Variants in PDSS2 observed in about 807,000 individuals in gnomAD.
The protein encoded by PDSS2 is decaprenyl diphosphate synthase subunit 2, also known as all trans-polyprenyl-diphosphate synthase PDSS2.
Under a neutral mutation model 44.5 loss-of-function variants are expected in PDSS2, and 31 were observed. That is an observed-to-expected ratio of 0.70 (90% CI 0.52 to 0.94). The LOEUF (loss-of-function observed/expected upper bound fraction) is 0.94, where lower values mean the gene tolerates loss of function less well. Ranked by LOEUF, PDSS2 falls within the 40% of genes least tolerant of loss-of-function variation. PDSS2 has a pLI of 0.00. For synonymous variants in PDSS2, 157 were observed against 180.3 expected, an observed-to-expected ratio of 0.87 and a Z score of 1.03; for missense variants, 452 against 482.2, an observed-to-expected ratio of 0.94 and a Z score of 0.59.
At chr6:107,161,840 G>T (rs1323560148) in intron 7 of PDSS2, among the ~76,000 whole-genome samples, 2 of 152,178 alleles carry the variant, frequency 1.3e-5, no homozygotes, top group African/African-American at 4.8e-5. Context: ...ACAATTGTTA[G>T]TATTTTGCCA....
In PDSS2 at chr6:107,298,581, C is replaced by T. The variant is rs149793942; in HGVS notation, c.432-24354G>A. 1.5e-4 allele frequency among the ~76,000 whole-genome samples: 23 copies of T among 152,162 alleles called. No individual in the cohort carries two copies. The East Asian group carries it at 4.4e-3, about 29-fold the overall frequency. On this transcript the variant is annotated intron_variant, in intron 2 of 7. Transcript: ENST00000369037. ...AATATTGAGGGCAACTGTATATATA[C>T]CTATATACATAGTGTAGCTTTATAT...
At chr6:107,390,329 A>G (rs1286710058) in intron 1 of PDSS2, among the ~76,000 whole-genome samples, 1 of 152,114 alleles carries the variant, frequency 6.6e-6, no homozygotes, top group Non-Finnish European at 1.5e-5. Context: ...TTATGTGAAA[A>G]GAAGGGCAAT....
intron 2 of PDSS2, among the ~76,000 whole-genome samples, chr6:107,307,749 T>C (rs1776908758): frequency 6.6e-6 from 1 of 152,204 alleles, no homozygotes; most frequent in Non-Finnish European, 1.5e-5. Context: ...AGTTAATTCC[T>C]GTGTCCACAG....
intron 1 of PDSS2, among the ~76,000 whole-genome samples, chr6:107,421,807 A>AACACACAC (rs33978698): frequency 0.02 from 2,962 of 146,168 alleles, 80 homozygotes; most frequent in African/African-American, 0.061. Flanking sequence ...AATTTCACAG[A>AACACACAC]ACACACACAC....
At chr6:107,246,747 G>T (rs760453473) in intron 3 of PDSS2, among the ~76,000 whole-genome samples, 4 of 152,026 alleles carry the variant, frequency 2.6e-5, no homozygotes, top group Non-Finnish European at 4.4e-5. Flanking sequence ...ATATATTTAC[G>T]TTTATACTAC....
intron 3 of PDSS2, among the ~76,000 whole-genome samples, chr6:107,263,264 C>A (rs1256366640): frequency 2.0e-5 from 3 of 152,044 alleles, no homozygotes; most frequent in Non-Finnish European, 4.4e-5. Context: ...ACCAGTCTTG[C>A]CAACATGGCG....
intron 1 of PDSS2, among the ~76,000 whole-genome samples, chr6:107,456,830 C>A (rs1177753662): frequency 6.6e-6 from 1 of 152,222 alleles, no homozygotes; most frequent in East Asian, 1.9e-4. Flanking sequence ...ACATGAGACA[C>A]CACACCAGGA....
At chr6:107,161,874 T>C (rs1296009900) in intron 7 of PDSS2, among the ~76,000 whole-genome samples, 2 of 152,208 alleles carry the variant, frequency 1.3e-5, no homozygotes, top group Non-Finnish European at 2.9e-5. Flanking sequence ...TATATGTGTG[T>C]CTGTGTGTGT....
chr6:107,409,841 T>C (rs1443200774), intron 1 of PDSS2, among the ~76,000 whole-genome samples: 1 of 152,180 alleles, frequency 6.6e-6, no homozygotes, highest in Non-Finnish European at 1.5e-5. Flanking sequence ...AATGTACCAC[T>C]GCATTTATGA....
intron 3 of PDSS2, among the ~76,000 whole-genome samples, chr6:107,247,976 A>G (rs1402988048): frequency 5.3e-5 from 8 of 151,740 alleles, no homozygotes; most frequent in Non-Finnish European, 1.2e-4. Flanking sequence ...CCAAGATCGC[A>G]GCGCCACTGC....
intron 1 of PDSS2, among the ~76,000 whole-genome samples, chr6:107,432,833 C>T (rs72941769): frequency 0.026 from 3,972 of 152,164 alleles, 76 homozygotes; most frequent in Middle Eastern, 0.12. Flanking sequence ...TTACTGTTAA[C>T]CATATTCACC....
At chr6:107,302,311 C>G (rs1343659346) in intron 2 of PDSS2, among the ~76,000 whole-genome samples, 1 of 151,242 alleles carries the variant, frequency 6.6e-6, no homozygotes. Context: ...TACACTGTTA[C>G]CCAGGCTGGA....
At chr6:107,269,623 T>C (rs1476183580) in intron 3 of PDSS2, among the ~76,000 whole-genome samples, 1 of 152,170 alleles carries the variant, frequency 6.6e-6, no homozygotes, top group Non-Finnish European at 1.5e-5. Context: ...GATTCTCAAG[T>C]GATGTTGAAC....
chr6:107,158,187 T>A (rs1770978689), intron 7 of PDSS2, among the ~76,000 whole-genome samples: 1 of 31,534 alleles, frequency 3.2e-5, no homozygotes. Context: ...GTTTTCTTTC[T>A]TTTTTTTTTT....
intron 6 of PDSS2, among the ~76,000 whole-genome samples, chr6:107,207,608 C>CT (rs777686277): frequency 0.22 from 24,392 of 110,398 alleles, 4,101 homozygotes; most frequent in East Asian, 0.44. Flanking sequence ...AGTAAAGTGT[C>CT]TTTTTTTTTT....
At chr6:107,218,216 T>C (rs186522270) in intron 4 of PDSS2, among the ~76,000 whole-genome samples, 1 of 152,336 alleles carries the variant, frequency 6.6e-6, no homozygotes, top group East Asian at 1.9e-4. Context: ...TACATTTTAT[T>C]TGACTTTGAC....
At chr6:107,447,043 A>G (rs1781706225) in intron 1 of PDSS2, among the ~76,000 whole-genome samples, 1 of 152,158 alleles carries the variant, frequency 6.6e-6, no homozygotes, top group African/African-American at 2.4e-5. Context: ...AGCCTATAAA[A>G]TCAAAAGCGG....
intron 1 of PDSS2, among the ~76,000 whole-genome samples, chr6:107,403,507 T>A (rs922171629): frequency 2.6e-5 from 4 of 152,188 alleles, no homozygotes; most frequent in Admixed American, 1.3e-4. Context: ...AGTGGGGACT[T>A]TGGGTGGTGG....
chr6:107,409,871 G>C (rs950178931), intron 1 of PDSS2, among the ~76,000 whole-genome samples: 5 of 152,114 alleles, frequency 3.3e-5, no homozygotes, highest in Non-Finnish European at 5.9e-5. Context: ...GAAAGGAGAT[G>C]AACAAGGTGC....
Sources: gnomAD v4.1 joint callset for allele counts (sites outside exome capture counted in the v4.1 genomes callset) on GRCh38, gnomAD v4.1.1 for gene constraint, MANE v1.5 for transcripts, NCBI Gene and HGNC (gene_info 2026-07-23, HGNC 2026-07-21) for gene names.